ZNF565: variants seen among roughly 807,000 people sequenced by gnomAD.
The protein encoded by ZNF565 is zinc finger protein 565.
In ZNF565, 27 loss-of-function variants were observed where a neutral mutation model predicts 39.4. The ratio of observed to expected loss-of-function variants is 0.69; its 90% CI spans 0.51 to 0.95. The LOEUF is 0.95. ZNF565 is among the 40% of genes least tolerant of loss of function. ZNF565 has a pLI of 0.00. For synonymous variants in ZNF565, 185 were observed against 216.6 expected (o/e 0.85, Z 1.28); for missense variants, 524 against 621.1 (o/e 0.84, Z 1.66).
At chr19:36,191,694 A>C (rs1975550268) in intron 4 of ZNF565, among the ~76,000 whole-genome samples, 1 of 152,192 alleles carries the variant, frequency 6.6e-6, no homozygotes, top group Non-Finnish European at 1.5e-5. Context: ...TGATATAAAG[A>C]AATCATTGAA....
At chr19:36,215,813 C>T (rs1976578360), upstream of ZNF565, among the ~76,000 whole-genome samples, 2 of 152,148 alleles carry the variant, frequency 1.3e-5, no homozygotes, top group African/African-American at 4.8e-5. Context: ...GAAGCAATCC[C>T]ATATAACGGC....
At chr19:36,186,636 A>C (rs1446736699) in intron 4 of ZNF565, among the ~76,000 whole-genome samples, 1 of 151,958 alleles carries the variant, frequency 6.6e-6, no homozygotes, top group African/African-American at 2.4e-5. Context: ...AAAAACACAA[A>C]AAATTAGCTG....
At chr19:36,244,572 G>T (rs1463875118) in intron 1 of ZNF565, among the ~76,000 whole-genome samples, 1 of 151,884 alleles carries the variant, frequency 6.6e-6, no homozygotes, top group Non-Finnish European at 1.5e-5. Context: ...TAAAAAGGAG[G>T]CTGGGCACGC....
chr19:36,245,812 T>C lies in ZNF565; in HGVS notation c.-282A>G, dbSNP rs2029895625. The C allele has an allele frequency of 2.5e-6, 1 of 397,842 alleles. No individual in the cohort carries two copies. The highest frequency in any genetic ancestry group is 4.5e-6 in the Non-Finnish European group (1 of 221,568). The allele number at this position is 397,842 out of a possible 1,614,324, so 24.6% of individuals were successfully genotyped here. ...GAGGCTACTCTTGAGTCCCGGTTCC[T>C]TCGCCCAGCTGCGGGCCTCGGGCTA... On this transcript the variant is annotated 5_prime_UTR_variant, in exon 1 of 5. Transcript: ENST00000355114. The surrounding 1 kb of genome is among the most constrained non-coding windows in gnomAD (Gnocchi z 4.4).
At chr19:36,189,149 C>T (rs1975429938) in intron 4 of ZNF565, among the ~76,000 whole-genome samples, 1 of 151,950 alleles carries the variant, frequency 6.6e-6, no homozygotes, top group African/African-American at 2.4e-5. Flanking sequence ...CTTAGCCAGG[C>T]ATGGTGGCAT....
chr19:36,184,724 A>T (rs1228611783), intron 4 of ZNF565, among the ~76,000 whole-genome samples: 1 of 152,230 alleles, frequency 6.6e-6, no homozygotes, highest in Non-Finnish European at 1.5e-5. Context: ...TAAATAAGGC[A>T]TCTATATTTT....
chr19:36,203,985 TG>T (rs1181268192), intron 1 of ZNF565, among the ~76,000 whole-genome samples: 2 of 151,518 alleles, frequency 1.3e-5, no homozygotes, highest in East Asian at 3.9e-4. Flanking sequence ...GGTTTCACTC[TG>T]TCACCAAGGC....
chr19:36,241,563 C>T (rs1461804507), intron 1 of ZNF565, among the ~76,000 whole-genome samples: 2 of 150,506 alleles, frequency 1.3e-5, no homozygotes, highest in Non-Finnish European at 2.9e-5. Context: ...GAAGCGGAGG[C>T]GGGTGGATCA....
upstream of ZNF565, among the ~76,000 whole-genome samples, chr19:36,218,614 A>G (rs1976711249): frequency 6.8e-6 from 1 of 147,822 alleles, no homozygotes; most frequent in African/African-American, 2.5e-5. Context: ...TACAGGTGCC[A>G]GCCACCACGC....
chr19:36,190,769 A>C (rs998205828), intron 4 of ZNF565, among the ~76,000 whole-genome samples: 1 of 151,882 alleles, frequency 6.6e-6, no homozygotes, highest in African/African-American at 2.4e-5. Flanking sequence ...AGGTGGGTGG[A>C]TCACTTGAGG....
chr19:36,223,207 A>G (rs1976927245), intron 1 of ZNF565, among the ~76,000 whole-genome samples: 1 of 151,910 alleles, frequency 6.6e-6, no homozygotes, highest in Admixed American at 6.6e-5. Context: ...ACTTGAGGTC[A>G]GGAGTTTGAG....
At chr19:36,207,539 A>G (rs1322697967) in intron 1 of ZNF565, among the ~76,000 whole-genome samples, 2 of 94,708 alleles carry the variant, frequency 2.1e-5, no homozygotes, top group Non-Finnish European at 4.1e-5. Context: ...ACTCCATCTC[A>G]AACAAAAAAA....
chr19:36,211,168 C>T (rs1044544213), intron 1 of ZNF565, among the ~76,000 whole-genome samples: 6 of 152,020 alleles, frequency 3.9e-5, no homozygotes, highest in African/African-American at 1.2e-4. Flanking sequence ...TAAGGCCAGG[C>T]GAGGTGGCTC....
rs532595281 is a variant in ZNF565 at position 36,183,626 on chromosome 19, C to T, written c.340G>A (p.Asp114Asn). The change falls in exon 5 of 5, where the codon GAT becomes AAT. Residue 114 changes from aspartate to asparagine, a missense_variant. By Grantham distance (23) the Asp-to-Asn change is conservative (BLOSUM62 1). Coordinates refer to ENST00000304116, the MANE Select transcript of ZNF565 (RefSeq NM_152477.5). The stretch of plus-strand genomic sequence containing the variant: ...TCGCATTCCCAGTCAGCTCTAAAAT[C>T]GGAGCCCTCCAGGTCACTGCATTTA... ...SLKCSDLEGS[D>N]FRADWECEGQ... 2.1e-5 allele frequency: 34 copies of T among 1,614,140 alleles called. No individual in the cohort carries two copies. In the South Asian group the frequency reaches 2.7e-4, roughly 13 times the overall value.
In ZNF565 at chr19:36,183,782, GAAAT is replaced by G. The variant is rs768423846; in HGVS notation, c.233-53_233-50del. 4.6e-6 allele frequency: 7 copies of G among 1,528,198 alleles called. No homozygotes were observed. The Admixed American group carries it at 8.4e-5, about 18-fold the overall frequency. 94.7% of individuals were successfully genotyped at this position (1,528,198 alleles called of 1,614,324 possible). A position where few individuals can be genotyped will look rare whatever the true frequency, so the allele number is the denominator to read the frequency against. The stretch of plus-strand genomic sequence containing the variant: ...TACAAGCTGTGATCCTTCTCTATGA[GAAAT>G]AAAAAATTCTATAGTAGAGGCCAGG... On this transcript the variant is annotated intron_variant, in intron 4 of 4. Coordinates refer to ENST00000304116, the MANE Select transcript of ZNF565 (RefSeq NM_152477.5).
chr19:36,241,370 G>A (rs1249409837), intron 1 of ZNF565, among the ~76,000 whole-genome samples: 1 of 151,646 alleles, frequency 6.6e-6, no homozygotes, highest in African/African-American at 2.4e-5. Flanking sequence ...AGTAATCCCA[G>A]CTACTTGGGA....
At position 36,183,734 on chromosome 19, in the gene ZNF565, C is replaced by G. The variant is rs1279065314; in HGVS notation, c.233-1G>C. 7 of 1,597,524 alleles carry G rather than the reference C, an allele frequency of 4.4e-6. No individual in the cohort carries two copies. The highest frequency in any genetic ancestry group is 5.1e-6 in the Non-Finnish European group (6 of 1,173,412). On this transcript the variant is annotated splice_acceptor_variant, in intron 4 of 4. Transcript: ENST00000304116. LOFTEE classifies it high-confidence loss of function. ...AATTTCTCACACCTGGACTCCAAGT[C>G]TGAAAAATAAGAAAAAGATAAATAC...
intron 1 of ZNF565, among the ~76,000 whole-genome samples, chr19:36,214,365 C>T (rs1411951100): frequency 5.3e-5 from 8 of 151,778 alleles, no homozygotes; most frequent in Non-Finnish European, 1.5e-5. Context: ...ACATATACAA[C>T]GGGGACACAC....
chr19:36,222,994 T>C (rs1411942866), intron 1 of ZNF565, among the ~76,000 whole-genome samples: 4 of 152,034 alleles, frequency 2.6e-5, no homozygotes, highest in African/African-American at 9.7e-5. Flanking sequence ...TCATGTATTT[T>C]TTAGAGGCAC....
Sources: allele counts gnomAD v4.1 joint callset (sites outside exome capture counted in the v4.1 genomes callset), GRCh38; gene constraint gnomAD v4.1.1; non-coding constraint Gnocchi (gnomAD v3.1); transcripts MANE v1.5; gene names NCBI Gene and HGNC (gene_info 2026-07-23, HGNC 2026-07-21).